Variants in LRRN1 observed in about 807,000 individuals in gnomAD.
The protein encoded by LRRN1 is leucine rich repeat neuronal 1.
In LRRN1, 14 loss-of-function variants were observed where a neutral mutation model predicts 45.8. That is an observed-to-expected ratio of 0.31 (90% CI 0.20 to 0.48). LRRN1 has a LOEUF of 0.48. LRRN1 is among the 20% of genes least tolerant of loss of function. LRRN1 has a pLI of 0.99. For synonymous variants in LRRN1, 359 were observed against 330.1 expected (o/e 1.09, Z -0.95); for missense variants, 789 against 874.2 (o/e 0.90, Z 1.23).
chr3:3,845,437 A>T lies in LRRN1; in HGVS notation c.796A>T (p.Lys266Ter). 1.2e-6 allele frequency: 2 copies of T among 1,614,152 alleles called. No individual in the cohort carries two copies. Among genetic ancestry groups the T allele is most frequent in the Non-Finnish European group, 1.7e-6 (2 of 1,180,028 alleles). ...QLALQKVPNL[K>*]FLDLNKNPIH... is the part of the protein sequence containing the mutation. ...TGCCCTGCAAAAAGTTCCAAATTTG[A>T]AATTCTTAGACCTCAACAAAAACCC... Residue 266 changes from lysine to a stop codon, truncating the protein, a stop_gained, in exon 2 of 2, where the codon AAA becomes TAA. Transcript: ENST00000319331. LOFTEE classifies it high-confidence loss of function. This position sits in a 1 kb window ranked among gnomAD's most constrained non-coding sequence, Gnocchi z 6.5.
At chr3:3,844,118 A>C (rs1423409895) in intron 1 of LRRN1, among the ~76,000 whole-genome samples, 1 of 152,146 alleles carries the variant, frequency 6.6e-6, no homozygotes, top group Non-Finnish European at 1.5e-5. Flanking sequence ...ATATATGACT[A>C]GTGGTACATG....
At chr3:3,819,589 C>G (rs545835618) in intron 1 of LRRN1, among the ~76,000 whole-genome samples, 1 of 152,206 alleles carries the variant, frequency 6.6e-6, no homozygotes, top group Admixed American at 6.5e-5. Context: ...GCTGTGTGTC[C>G]CTGTCTTCAC....
At chr3:3,838,489 C>T (rs1199266353) in intron 1 of LRRN1, among the ~76,000 whole-genome samples, 4 of 152,234 alleles carry the variant, frequency 2.6e-5, no homozygotes, top group Middle Eastern at 3.4e-3. Flanking sequence ...GTGCAATGAA[C>T]GTGGGTGTAC....
chr3:3,834,525 G>GATAGATATATATATATAT (rs1553563064), intron 1 of LRRN1, among the ~76,000 whole-genome samples: 1 of 27,328 alleles, frequency 3.7e-5, no homozygotes, highest in Non-Finnish European at 9.9e-5. Context: ...GACAGAACAG[G>GATAGATATATATATATAT]ATATATATAT....
At chr3:3,809,563 A>C (rs12054065) in intron 1 of LRRN1, among the ~76,000 whole-genome samples, 31,834 of 152,180 alleles carry the variant, frequency 0.21, 4,620 homozygotes, top group African/African-American at 0.4. Flanking sequence ...ATGCAAGTGA[A>C]GCATCAGAGC....
At chr3:3,810,244 G>T (rs1033448575) in intron 1 of LRRN1, among the ~76,000 whole-genome samples, 1 of 152,050 alleles carries the variant, frequency 6.6e-6, no homozygotes, top group Admixed American at 6.6e-5. Context: ...AATAGGTTAG[G>T]TTCAGAGATA....
At chr3:3,837,332 TC>T (rs35514612) in intron 1 of LRRN1, among the ~76,000 whole-genome samples, 124,598 of 151,326 alleles carry the variant, frequency 0.82, 51,556 homozygotes, top group Non-Finnish European at 0.87. Flanking sequence ...TATTACTCCT[TC>T]CCCCCCCCAT....
Position 3,837,176 on chromosome 3 carries a change from GC to G in LRRN1, c.-278-7185del, listed in dbSNP as rs1693538164. On this transcript the variant is annotated intron_variant, in intron 1 of 1. Transcript: ENST00000319331. ...TGTGAAGACGCTGGGGAAGATGCCGGCCCAGGCAGGTGGCCCTGAGTGTGCA... is the reference window on the plus strand; with the variant it reads ...TGTGAAGACGCTGGGGAAGATGCCGGCCAGGCAGGTGGCCCTGAGTGTGCA... 2.6e-5 allele frequency among the ~76,000 whole-genome samples: 4 copies of G among 152,328 alleles called. No homozygotes were observed. In the South Asian group the frequency reaches 8.3e-4, roughly 32 times the overall value.
rs372852396 is a variant in LRRN1 at position 3,816,891 on chromosome 3, G to A, written c.-279+16972G>A. ...CTTCAGCTGGTTCACTTATAGCTGC[G>A]GGAATTGTGACATTACTTGAATTAG... is the stretch of plus-strand genomic sequence containing the variant. On this transcript the variant is annotated intron_variant, in intron 1 of 1. Coordinates refer to ENST00000319331, the MANE Select transcript of LRRN1 (RefSeq NM_020873.7). This position sits in a 1 kb window ranked among gnomAD's most constrained non-coding sequence, Gnocchi z 4.0. 6.6e-5 allele frequency among the ~76,000 whole-genome samples: 10 copies of A among 152,236 alleles called. No individual in the cohort carries two copies. The highest frequency in any genetic ancestry group is 1.3e-4 in the Admixed American group (2 of 15,280).
In LRRN1 at chr3:3,846,918, C is replaced by T. The variant is rs933660601; in HGVS notation, c.*126C>T. 3.0e-5 allele frequency: 23 copies of T among 775,440 alleles called. No individual in the cohort carries two copies. Among genetic ancestry groups the T allele is most frequent in the South Asian group, 1.3e-4 (6 of 45,974 alleles). 48.0% of individuals were successfully genotyped at this position (775,440 alleles called of 1,614,324 possible). A position where few individuals can be genotyped will look rare whatever the true frequency, so the allele number is the denominator to read the frequency against. On this transcript the variant is annotated 3_prime_UTR_variant, in exon 2 of 2. Coordinates refer to ENST00000319331, the MANE Select transcript of LRRN1 (RefSeq NM_020873.7). The surrounding 1 kb of genome is among the most constrained non-coding windows in gnomAD (Gnocchi z 5.7). ...CTAGTTTGTGGCAGAGTGGAGAGGACGGGTGGATATTTCAAATTTTTTTAG... is the reference window on the plus strand; with the variant it reads ...CTAGTTTGTGGCAGAGTGGAGAGGATGGGTGGATATTTCAAATTTTTTTAG...
rs747316187 is a variant in LRRN1, at chr3:3,845,691, T to A, written c.1050T>A (p.Asn350Lys). 1 of 1,614,074 alleles carries A rather than the reference T, an allele frequency of 6.2e-7. No homozygotes were observed. Among genetic ancestry groups the A allele is most frequent in the South Asian group, 1.1e-5 (1 of 91,066 alleles). The change falls in exon 2 of 2, where the codon AAT (asparagine) becomes AAA (lysine). Residue 350 changes from asparagine (N) to lysine (K), a missense_variant. Transcript: ENST00000319331. This position sits in a 1 kb window ranked among gnomAD's most constrained non-coding sequence, Gnocchi z 6.5. Reference protein sequence around the residue: ...ESLMLNNNALNAIYQKTVESL... With the variant: ...ESLMLNNNALKAIYQKTVESL... ...TGATGCTGAACAACAATGCCTTGAA[T>A]GCCATTTACCAAAAGACAGTCGAAT...
At position 3,845,413 on chromosome 3, in the gene LRRN1, G is replaced by A. The variant is rs1336644190; in HGVS notation, c.772G>A (p.Ala258Thr). 2 of 1,614,056 alleles carry A rather than the reference G, an allele frequency of 1.2e-6. No individual in the cohort carries two copies. Among genetic ancestry groups the A allele is most frequent in the Non-Finnish European group, 1.7e-6 (2 of 1,179,988 alleles). The change falls in exon 2 of 2, where the codon GCC becomes ACC. Residue 258 changes from alanine to threonine, a missense_variant. Ala to Thr is a moderately conservative substitution (Grantham distance 58). Transcript: ENST00000319331. The surrounding 1 kb of genome is among the most constrained non-coding windows in gnomAD (Gnocchi z 6.5). ...CAAACTGGTTAAAGTCCCTCAACTT[G>A]CCCTGCAAAAAGTTCCAAATTTGAA... is the stretch of plus-strand genomic sequence containing the variant. ...DNKLVKVPQL[A>T]LQKVPNLKFL...
chr3:3,803,260 G>T (rs945131451), intron 1 of LRRN1, among the ~76,000 whole-genome samples: 5 of 152,118 alleles, frequency 3.3e-5, no homozygotes, highest in African/African-American at 4.8e-5. Context: ...GGTCTCTACG[G>T]AGTTATATTG....
At chr3:3,806,058 T>C (rs1692744933) in intron 1 of LRRN1, among the ~76,000 whole-genome samples, 1 of 59,238 alleles carries the variant, frequency 1.7e-5, no homozygotes, top group African/African-American at 6.3e-5. Context: ...AGGCAATATT[T>C]GGAGCCTTCT....
In LRRN1 at chr3:3,799,683, T is replaced by A. The variant is rs1692597105; in HGVS notation, c.-515T>A. On this transcript the variant is annotated 5_prime_UTR_variant, in exon 1 of 2. Transcript: ENST00000319331. Reference sequence around the variant, plus strand: ...CCTGCCCTGGCCTCTGAGAGCCGACTGAGCCCAGCCCCGTGCAGCAGCGGT... The same window carrying A: ...CCTGCCCTGGCCTCTGAGAGCCGACAGAGCCCAGCCCCGTGCAGCAGCGGT... 1 of 153,510 alleles carries A rather than the reference T, an allele frequency of 6.5e-6. No individual in the cohort carries two copies. Among genetic ancestry groups the A allele is most frequent in the African/African-American group, 2.4e-5 (1 of 41,464 alleles). 9.5% of individuals were successfully genotyped at this position (153,510 alleles called of 1,614,324 possible).
chr3:3,849,746 T>C lies in LRRN1; in HGVS notation c.*2954T>C, dbSNP rs6763625. 0.98 allele frequency among the ~76,000 whole-genome samples: 149,978 copies of C among 152,312 alleles called. 73,883 individuals are homozygous for C. The highest frequency in any genetic ancestry group is 1 in the East Asian group (5,174 of 5,174). ...GATGCCATGGATATAAAAACAAATGTAATGTTTGATTGTCAGTGTTTCTGA... is the reference window on the plus strand; with the variant it reads ...GATGCCATGGATATAAAAACAAATGCAATGTTTGATTGTCAGTGTTTCTGA... On this transcript the variant is annotated 3_prime_UTR_variant, in exon 2 of 2. Coordinates refer to ENST00000319331, the MANE Select transcript of LRRN1 (RefSeq NM_020873.7).
At position 3,816,699 on chromosome 3, in the gene LRRN1, T is replaced by G. The variant is rs1692992034; in HGVS notation, c.-279+16780T>G. Among the ~76,000 whole-genome samples the G allele has an allele frequency of 6.6e-6, 1 of 152,176 alleles. No homozygotes were observed. The highest frequency in any genetic ancestry group is 2.4e-5 in the African/African-American group (1 of 41,446). On this transcript the variant is annotated intron_variant, in intron 1 of 1. Transcript: ENST00000319331. The surrounding 1 kb of genome is among the most constrained non-coding windows in gnomAD (Gnocchi z 4.0). ...ACCTTCAGTCAAACAGAAAATTAAATTTGCACATTCCCTGAGCCTAATGCT... is the reference window on the plus strand; with the variant it reads ...ACCTTCAGTCAAACAGAAAATTAAAGTTGCACATTCCCTGAGCCTAATGCT...
intron 1 of LRRN1, among the ~76,000 whole-genome samples, chr3:3,817,870 T>C (rs1158198761): frequency 2.0e-5 from 3 of 152,216 alleles, no homozygotes; most frequent in African/African-American, 7.2e-5. Flanking sequence ...AGGAGAATTA[T>C]CCTCACCATT....
chr3:3,807,491 C>T (rs1375395701), intron 1 of LRRN1, among the ~76,000 whole-genome samples: 1 of 152,314 alleles, frequency 6.6e-6, no homozygotes, highest in Admixed American at 6.5e-5. Context: ...AGATTTCATA[C>T]AAGTTTATGT....
Sources: gnomAD v4.1 joint callset for allele counts (sites outside exome capture counted in the v4.1 genomes callset) on GRCh38, gnomAD v4.1.1 for gene constraint, Gnocchi (gnomAD v3.1) non-coding constraint, MANE v1.5 for transcripts, NCBI Gene and HGNC (gene_info 2026-07-23, HGNC 2026-07-21) for gene names.